Variants in FAM240A observed in about 807,000 individuals in gnomAD.
The protein encoded by FAM240A is protein FAM240A.
Under a neutral mutation model 7.3 loss-of-function variants are expected in FAM240A, and 8 were observed. The observed-to-expected ratio is 1.09, with a 90% CI of 0.64 to 1.97. The LOEUF (loss-of-function observed/expected upper bound fraction) is 1.97. Ranked by LOEUF, FAM240A falls within the 30% of genes most tolerant of loss-of-function variation. FAM240A has a pLI of 0.00. For missense variants in FAM240A, 90 were observed against 102.2 expected, an observed-to-expected ratio of 0.88 and a Z score of 0.52; for synonymous variants, 32 against 35.9, an observed-to-expected ratio of 0.89 and a Z score of 0.38.
intron 2 of FAM240A, among the ~76,000 whole-genome samples, chr3:46,621,437 ATC>A (rs759320559): frequency 1.6e-4 from 24 of 152,150 alleles, no homozygotes; most frequent in Non-Finnish European, 2.8e-4. Context: ...TTTTCAACTT[ATC>A]TCTGTCCTTA....
intron 2 of FAM240A, among the ~76,000 whole-genome samples, chr3:46,624,924 G>A (rs1281610602): frequency 6.7e-6 from 1 of 149,720 alleles, no homozygotes; most frequent in Admixed American, 6.7e-5. Flanking sequence ...ATGAGAGCCT[G>A]TTTACTCTTA....
At position 46,612,680 on chromosome 3, in the gene FAM240A, C is replaced by G. The variant is rs1007000672; in HGVS notation, c.-4C>G. 2.6e-6 allele frequency: 4 copies of G among 1,535,548 alleles called. No homozygotes were observed. The highest frequency in any genetic ancestry group is 3.5e-6 in the Non-Finnish European group (4 of 1,146,470). On this transcript the variant is annotated 5_prime_UTR_variant, in exon 1 of 3. Transcript: ENST00000640551. ...CGACTGAATCGATGTCTTCACATCCCTTCATGCGGTTGTTCTCTGTAAGTG... is the reference window on the plus strand; with the variant it reads ...CGACTGAATCGATGTCTTCACATCCGTTCATGCGGTTGTTCTCTGTAAGTG...
At chr3:46,624,503 CT>C (rs903490399) in intron 2 of FAM240A, among the ~76,000 whole-genome samples, 5 of 152,030 alleles carry the variant, frequency 3.3e-5, no homozygotes, top group Non-Finnish European at 7.4e-5. Context: ...AACTCCTGAC[CT>C]TGTGATCTGT....
At chr3:46,625,048 G>A (rs2107150075) in intron 2 of FAM240A, 80 bp from the exon 3 acceptor site, 5 of 1,012,676 alleles carry the variant, frequency 4.9e-6, no homozygotes, top group South Asian at 2.9e-5. Flanking sequence ...TCAGGGGCTG[G>A]GAGGACAGGA....
intron 2 of FAM240A, among the ~76,000 whole-genome samples, chr3:46,619,781 G>A (rs1697674566): frequency 6.6e-6 from 1 of 152,138 alleles, no homozygotes; most frequent in Admixed American, 6.5e-5. Flanking sequence ...AGAGAGTTGG[G>A]CAAATGTAGG....
chr3:46,625,187 A>AGG lies in FAM240A; in HGVS notation c.222_223dup (p.Asp75GlyfsTer17). 1 of 1,533,996 alleles carries AGG rather than the reference A, an allele frequency of 6.5e-7. No homozygotes were observed. On this transcript the variant is annotated frameshift_variant, in exon 3 of 3. Transcript: ENST00000640551. LOFTEE classifies it high-confidence loss of function. ...AAGCTGAGGCTGCGGAACAATCCAG[A>AGG]GGACACTGAAAAGAGGACAAATGTT... is the stretch of plus-strand genomic sequence containing the variant.
intron 2 of FAM240A, among the ~76,000 whole-genome samples, chr3:46,620,913 T>TAGGACAAA (rs1697686717): frequency 6.6e-6 from 1 of 152,210 alleles, no homozygotes; most frequent in African/African-American, 2.4e-5. Context: ...GGAGTTATTA[T>TAGGACAAA]ATTTAAGGAC....
At position 46,614,250 on chromosome 3, in the gene FAM240A, C is replaced by T. The variant is rs73077546; in HGVS notation, c.15+1552C>T. ...AAATATATTTAATCCCCTCTTTCTGCCTTATCTTTTCCTAAAAGTGTATTT... is the reference window on the plus strand; with the variant it reads ...AAATATATTTAATCCCCTCTTTCTGTCTTATCTTTTCCTAAAAGTGTATTT... On this transcript the variant is annotated intron_variant, in intron 1 of 2. Coordinates refer to ENST00000640551, the MANE Select transcript of FAM240A (RefSeq NM_001195442.2). Among the ~76,000 whole-genome samples the T allele has an allele frequency of 9.4e-3, 1,425 of 152,154 alleles. 7 individuals carry two copies. The highest frequency in any genetic ancestry group is 0.037 in the Middle Eastern group (11 of 294).
intron 2 of FAM240A, among the ~76,000 whole-genome samples, chr3:46,624,517 A>G (rs111518116): frequency 0.11 from 16,966 of 151,950 alleles, 1,172 homozygotes; most frequent in East Asian, 0.33. Context: ...TGATCTGTCC[A>G]CCTTGGCCTC....
chr3:46,615,852 A>G (rs1009427814), intron 1 of FAM240A, among the ~76,000 whole-genome samples: 1 of 149,822 alleles, frequency 6.7e-6, no homozygotes, highest in Non-Finnish European at 1.5e-5. Flanking sequence ...GTGTGCACGC[A>G]CACACACACA....
intron 2 of FAM240A, among the ~76,000 whole-genome samples, chr3:46,618,918 CAT>C (rs35337669): frequency 0.21 from 24,058 of 115,860 alleles, 2,237 homozygotes; most frequent in Non-Finnish European, 0.25. Context: ...CACACACACA[CAT>C]ATGCAGTATC....
Position 46,625,370 on chromosome 3 carries a change from C to T in FAM240A, c.*152C>T. The T allele has an allele frequency of 2.0e-6, 1 of 507,964 alleles. No homozygotes were observed. The allele number at this position is 507,964 out of a possible 1,614,324, so 31.5% of individuals were successfully genotyped here. On this transcript the variant is annotated 3_prime_UTR_variant, in exon 3 of 3. Coordinates refer to ENST00000640551, the MANE Select transcript of FAM240A (RefSeq NM_001195442.2). ...AGAGGACTTACCTGTAAATCCTTTCCCAGTGTTTGATGGCAGTTATTGGCC... is the reference window on the plus strand; with the variant it reads ...AGAGGACTTACCTGTAAATCCTTTCTCAGTGTTTGATGGCAGTTATTGGCC...
chr3:46,616,829 G>T (rs1347425715), intron 1 of FAM240A, among the ~76,000 whole-genome samples: 1 of 152,070 alleles, frequency 6.6e-6, no homozygotes. Context: ...ACACATTCAG[G>T]TGTCTTTTTT....
intron 2 of FAM240A, 96 bp from the exon 3 acceptor site, chr3:46,625,032 G>A (rs1697740929): frequency 2.6e-6 from 2 of 756,992 alleles, no homozygotes; most frequent in African/African-American, 3.5e-5. Context: ...ACACATACAT[G>A]CAATTTCAGG....
In FAM240A at chr3:46,625,230, T is replaced by C; in HGVS notation, c.*12T>C. ...CAAATGTTGGCTGAGAGCTTCCTGC[T>C]TCATTGACACAAGAAGATGCAAAAC... On this transcript the variant is annotated 3_prime_UTR_variant, in exon 3 of 3. Transcript: ENST00000640551. 1 of 1,523,368 alleles carries C rather than the reference T, an allele frequency of 6.6e-7. No homozygotes were observed. The highest frequency in any genetic ancestry group is 8.8e-7 in the Non-Finnish European group (1 of 1,137,738). The allele number at this position is 1,523,368 out of a possible 1,614,324, so 94.4% of individuals were successfully genotyped here. A position where few individuals can be genotyped will look rare whatever the true frequency, so the allele number is the denominator to read the frequency against.
intron 1 of FAM240A, among the ~76,000 whole-genome samples, chr3:46,616,738 T>A (rs1419584110): frequency 2.0e-5 from 3 of 149,264 alleles, no homozygotes; most frequent in Non-Finnish European, 3.0e-5. Context: ...CATAAAACAT[T>A]TTCTTGATCC....
In FAM240A at chr3:46,612,553, G is replaced by A. The variant is rs772731014; in HGVS notation, c.-131G>A. 16 of 725,714 alleles carry A rather than the reference G, an allele frequency of 2.2e-5. No homozygotes were observed. The highest frequency in any genetic ancestry group is 8.1e-5 in the East Asian group (3 of 36,904). 45.0% of individuals were successfully genotyped at this position (725,714 alleles called of 1,614,324 possible). A position where few individuals can be genotyped will look rare whatever the true frequency, so the allele number is the denominator to read the frequency against. On this transcript the variant is annotated 5_prime_UTR_variant, in exon 1 of 3. Coordinates refer to ENST00000640551, the MANE Select transcript of FAM240A (RefSeq NM_001195442.2). The stretch of plus-strand genomic sequence containing the variant: ...TTGCTGGCACAGCGTTAAGGCTTGC[G>A]AGGGACAAATGTTCCTTTGTTCTTG...
At chr3:46,614,766 C>T (rs1697608997) in intron 1 of FAM240A, among the ~76,000 whole-genome samples, 1 of 152,182 alleles carries the variant, frequency 6.6e-6, no homozygotes, top group Non-Finnish European at 1.5e-5. Flanking sequence ...TAAATGGTGG[C>T]CAACAGACCA....
intron 1 of FAM240A, among the ~76,000 whole-genome samples, chr3:46,613,487 C>A (rs774080226): frequency 1.3e-3 from 40 of 30,988 alleles, no homozygotes; most frequent in Non-Finnish European, 3.1e-3. Flanking sequence ...GAGTGAAACT[C>A]CTTCTAAATA....
Sources: gnomAD v4.1 joint callset for allele counts (sites outside exome capture counted in the v4.1 genomes callset) on GRCh38, gnomAD v4.1.1 for gene constraint, MANE v1.5 for transcripts, NCBI Gene and HGNC (gene_info 2026-07-23, HGNC 2026-07-21) for gene names.